POU2F1: variants seen among roughly 807,000 people sequenced by gnomAD.
POU2F1 encodes POU class 2 homeobox 1.
In POU2F1, 16 loss-of-function variants were observed where a neutral mutation model predicts 84.9. That is an observed-to-expected ratio of 0.19 (90% CI 0.13 to 0.29). POU2F1 has a LOEUF of 0.29. Among genes scored for constraint, POU2F1 ranks in the 10% least tolerant of loss-of-function variants. The probability of loss-of-function intolerance (pLI) is 1.00; values close to 1 mark genes in which losing one functional copy is unlikely to be tolerated. For synonymous variants in POU2F1, 368 were observed against 368.3 expected (o/e 1.00, Z 0.01); for missense variants, 738 against 942.6 (o/e 0.78, Z 2.84).
chr1:167,300,388 A>C (rs943897628), intron 1 of POU2F1, among the ~76,000 whole-genome samples: 2 of 152,220 alleles, frequency 1.3e-5, no homozygotes, highest in African/African-American at 4.8e-5. Context: ...TCCAGGTAGC[A>C]AACCTACATA....
chr1:167,224,792 G>A (rs1648496691), intron 1 of POU2F1, among the ~76,000 whole-genome samples: 2 of 149,038 alleles, frequency 1.3e-5, no homozygotes, highest in African/African-American at 2.5e-5. Context: ...GTAGTTTCCT[G>A]CGTATTTCTA....
chr1:167,343,630 CA>C (rs1228295877), intron 2 of POU2F1, among the ~76,000 whole-genome samples: 11 of 111,548 alleles, frequency 9.9e-5, no homozygotes, highest in Non-Finnish European at 1.8e-4. Flanking sequence ...AGCCAGGGGT[CA>C]ATTTTTTTTT....
At chr1:167,328,905 C>G (rs758317888) in intron 1 of POU2F1, 10 of 345,210 alleles carry the variant, frequency 2.9e-5, no homozygotes, top group Non-Finnish European at 4.1e-5. Flanking sequence ...GCATAAGGCC[C>G]TAATCACGCG....
intron 4 of POU2F1, among the ~76,000 whole-genome samples, chr1:167,371,101 GAA>G (rs1257730929): frequency 5.9e-5 from 9 of 152,128 alleles, no homozygotes; most frequent in Admixed American, 5.9e-4. Flanking sequence ...GGAGAGAAAA[GAA>G]AAAGAGATAA....
In POU2F1 at chr1:167,251,623, A is replaced by G. The variant is rs148358968; in HGVS notation, c.61+30665A>G. ...TCTGTATATCAAGTACTAGGAAAAC[A>G]GCATTTTTCCATTAAAGGGCTCATA... On this transcript the variant is annotated intron_variant, in intron 1 of 15. Transcript: ENST00000367866. Among the ~76,000 whole-genome samples, 17 of 152,238 alleles carry G rather than the reference A, an allele frequency of 1.1e-4. 1 individual carries two copies. The East Asian group carries it at 3.1e-3, about 28-fold the overall frequency.
intron 1 of POU2F1, among the ~76,000 whole-genome samples, chr1:167,227,752 C>T (rs1648744540): frequency 6.6e-6 from 1 of 151,922 alleles, no homozygotes; most frequent in Non-Finnish European, 1.5e-5. Flanking sequence ...TTTACTTAAG[C>T]AGGAAAAATT....
Position 167,406,950 on chromosome 1 carries a change from T to C in POU2F1, c.1556-5009T>C, listed in dbSNP as rs78384733. ...GACAGTTTTTCTCCAGCTTGAGATA[T>C]ATGTGCATCTCTCTTTCTCTCTGAT... On this transcript the variant is annotated intron_variant, in intron 13 of 15. Transcript: ENST00000367866. 2.4e-3 allele frequency among the ~76,000 whole-genome samples: 358 copies of C among 152,054 alleles called. 1 individual carries two copies. The highest frequency in any genetic ancestry group is 8.2e-3 in the African/African-American group (340 of 41,538).
chr1:167,244,749 A>G (rs1467314863), intron 1 of POU2F1, among the ~76,000 whole-genome samples: 3 of 152,164 alleles, frequency 2.0e-5, no homozygotes, highest in African/African-American at 7.2e-5. Context: ...AGGAGCCCTG[A>G]CACCCAAAAA....
intron 1 of POU2F1, among the ~76,000 whole-genome samples, chr1:167,241,882 A>G (rs1254044803): frequency 6.6e-6 from 1 of 152,200 alleles, no homozygotes; most frequent in Non-Finnish European, 1.5e-5. Flanking sequence ...TTTTGATTCC[A>G]GTTTTCATGC....
intron 1 of POU2F1, among the ~76,000 whole-genome samples, chr1:167,221,404 C>G (rs1281528148): frequency 6.7e-6 from 1 of 149,076 alleles, no homozygotes; most frequent in Non-Finnish European, 1.5e-5. Flanking sequence ...CGCAGTAGGG[C>G]GCGGGCGGGC....
At position 167,423,875 on chromosome 1, in the gene POU2F1, C is replaced by G. The variant is rs903036191; in HGVS notation, c.*8065C>G. The G allele has an allele frequency of 6.6e-6, 1 of 152,230 alleles. No homozygotes were observed. Among genetic ancestry groups the G allele is most frequent in the Admixed American group, 6.5e-5 (1 of 15,288 alleles). The allele number at this position is 152,230 out of a possible 1,614,324, so 9.4% of individuals were successfully genotyped here. On this transcript the variant is annotated 3_prime_UTR_variant, in exon 16 of 16. Coordinates refer to ENST00000367866, the MANE Select transcript of POU2F1 (RefSeq NM_002697.4). ...TTATATCCCAAAGTCTGCAGGCAGA[C>G]AGCTGGATACAGCGCTGTGTATAAA...
intron 2 of POU2F1, among the ~76,000 whole-genome samples, chr1:167,333,367 TAAG>T (rs1298161416): frequency 5.3e-5 from 8 of 152,128 alleles, no homozygotes; most frequent in South Asian, 2.1e-4. Context: ...TGAAACCAAA[TAAG>T]AAGACAGTTA....
At chr1:167,357,178 T>C (rs950850175) in intron 2 of POU2F1, among the ~76,000 whole-genome samples, 8 of 152,286 alleles carry the variant, frequency 5.3e-5, no homozygotes, top group African/African-American at 1.9e-4. Flanking sequence ...CCCTCTGCCC[T>C]GCTCATGCCT....
At chr1:167,308,299 G>T (rs6689420) in intron 1 of POU2F1, among the ~76,000 whole-genome samples, 106,820 of 151,770 alleles carry the variant, frequency 0.7, 37,883 homozygotes, top group East Asian at 0.87. Context: ...ACTCCCAATC[G>T]CAGGTGATCC....
chr1:167,390,148 A>G (rs1235454540), intron 9 of POU2F1, among the ~76,000 whole-genome samples: 2 of 152,174 alleles, frequency 1.3e-5, no homozygotes, highest in Non-Finnish European at 2.9e-5. Context: ...GGACAACTGT[A>G]TTTGCTTTAC....
At chr1:167,370,699 G>A (rs908226381) in intron 4 of POU2F1, among the ~76,000 whole-genome samples, 2 of 152,156 alleles carry the variant, frequency 1.3e-5, no homozygotes, top group African/African-American at 2.4e-5. Context: ...ACCTCCTTGG[G>A]TTCAGTTTTT....
At chr1:167,278,311 T>G (rs912897509) in intron 1 of POU2F1, among the ~76,000 whole-genome samples, 1 of 152,264 alleles carries the variant, frequency 6.6e-6, no homozygotes, top group African/African-American at 2.4e-5. Flanking sequence ...GTTCTTTTGC[T>G]TATAGCATTT....
chr1:167,310,976 A>T (rs939613182), intron 1 of POU2F1, among the ~76,000 whole-genome samples: 1 of 152,204 alleles, frequency 6.6e-6, no homozygotes, highest in Non-Finnish European at 1.5e-5. Context: ...ACAAATAATC[A>T]GTGGACCCTC....
chr1:167,371,399 G>A (rs1246858443), intron 4 of POU2F1, among the ~76,000 whole-genome samples: 2 of 152,132 alleles, frequency 1.3e-5, no homozygotes, highest in African/African-American at 4.8e-5. Context: ...TTCTCTTCGT[G>A]CCCCTCTCTC....
Sources: gnomAD v4.1 joint callset for allele counts (sites outside exome capture counted in the v4.1 genomes callset) on GRCh38, gnomAD v4.1.1 for gene constraint, MANE v1.5 for transcripts, NCBI Gene and HGNC (gene_info 2026-07-23, HGNC 2026-07-21) for gene names.